Variants in TMEM132D observed in about 807,000 individuals in gnomAD.
TMEM132D encodes transmembrane protein 132D.
Under a neutral mutation model 62.3 loss-of-function variants are expected in TMEM132D, and 21 were observed. The observed-to-expected ratio is 0.34, with a 90% CI of 0.24 to 0.49. The LOEUF (loss-of-function observed/expected upper bound fraction) is 0.49, where lower values mean the gene tolerates loss of function less well. Ranked by LOEUF, TMEM132D falls within the 20% of genes least tolerant of loss-of-function variation. The probability of loss-of-function intolerance (pLI) is 0.99; values close to 1 mark genes in which losing one functional copy is unlikely to be tolerated. For missense variants in TMEM132D, 1,346 were observed against 1,402.8 expected (o/e 0.96, Z 0.65); for synonymous variants, 621 against 575.6 (o/e 1.08, Z -1.13).
At chr12:129,805,497 A>G (rs1353240795) in intron 1 of TMEM132D, among the ~76,000 whole-genome samples, 2 of 152,190 alleles carry the variant, frequency 1.3e-5, no homozygotes, top group Non-Finnish European at 2.9e-5. Flanking sequence ...ATATGTAGAA[A>G]GCTGAAACTG....
chr12:129,388,889 T>C (rs372938971), intron 3 of TMEM132D, among the ~76,000 whole-genome samples: 2,848 of 49,964 alleles, frequency 0.057, 118 homozygotes, highest in African/African-American at 0.12. Flanking sequence ...AACACTAACA[T>C]GAATCCTAAT....
chr12:129,654,669 A>T (rs1324763853), intron 2 of TMEM132D, among the ~76,000 whole-genome samples: 1 of 152,190 alleles, frequency 6.6e-6, no homozygotes, highest in South Asian at 2.1e-4. Flanking sequence ...GGTGGCAATC[A>T]TTTGGACCCT....
At chr12:129,738,867 C>T (rs571606340) in intron 1 of TMEM132D, among the ~76,000 whole-genome samples, 1 of 152,232 alleles carries the variant, frequency 6.6e-6, no homozygotes, top group South Asian at 2.1e-4. Flanking sequence ...ACAAACAATA[C>T]GTGTCTTCTA....
chr12:129,101,273 C>G (rs536576075), intron 5 of TMEM132D, among the ~76,000 whole-genome samples: 1 of 152,192 alleles, frequency 6.6e-6, no homozygotes, highest in Non-Finnish European at 1.5e-5. Context: ...TTCTTTGCCT[C>G]GAGCATTTGT....
At chr12:129,481,695 C>A (rs73151099) in intron 3 of TMEM132D, among the ~76,000 whole-genome samples, 1 of 152,152 alleles carries the variant, frequency 6.6e-6, no homozygotes, top group Non-Finnish European at 1.5e-5. Context: ...GAAATGAGCT[C>A]TCTTATACAT....
intron 4 of TMEM132D, among the ~76,000 whole-genome samples, chr12:129,236,626 C>T (rs748005447): frequency 2.0e-5 from 3 of 150,230 alleles, no homozygotes; most frequent in Non-Finnish European, 3.0e-5. Context: ...AGCAGTTTTT[C>T]GTGGCGTCTT....
intron 3 of TMEM132D, among the ~76,000 whole-genome samples, chr12:129,437,463 A>G (rs1160676345): frequency 6.6e-6 from 1 of 152,216 alleles, no homozygotes; most frequent in Non-Finnish European, 1.5e-5. Flanking sequence ...GTATGAATGA[A>G]CGGGCATGGC....
At chr12:129,844,561 G>GA (rs1334562125) in intron 1 of TMEM132D, among the ~76,000 whole-genome samples, 1 of 152,200 alleles carries the variant, frequency 6.6e-6, no homozygotes, top group African/African-American at 2.4e-5. Flanking sequence ...GGGTTTAAAA[G>GA]AAAATCTTGC....
chr12:129,258,875 C>T (rs11611661), intron 4 of TMEM132D, among the ~76,000 whole-genome samples: 14,937 of 152,076 alleles, frequency 0.098, 913 homozygotes, highest in Admixed American at 0.18. Flanking sequence ...AAAAGGTGGG[C>T]GATGTGTGCC....
intron 3 of TMEM132D, among the ~76,000 whole-genome samples, chr12:129,416,332 T>C (rs374288994): frequency 7.0e-4 from 106 of 152,256 alleles, no homozygotes; most frequent in African/African-American, 2.5e-3. Context: ...TGAATGGGAG[T>C]TCACTCATGA....
At chr12:129,892,463 G>A (rs552925653) in intron 1 of TMEM132D, among the ~76,000 whole-genome samples, 1 of 152,234 alleles carries the variant, frequency 6.6e-6, no homozygotes, top group African/African-American at 2.4e-5. Flanking sequence ...CTTGATCTGA[G>A]TGAACAGATG....
rs140601666 is a variant in TMEM132D, at chr12:129,771,585, G to T, written c.80-70887C>A. Among the ~76,000 whole-genome samples, 1,179 of 152,290 alleles carry T rather than the reference G, an allele frequency of 7.7e-3. 17 individuals carry two copies. Among genetic ancestry groups the T allele is most frequent in the African/African-American group, 0.027 (1,132 of 41,562 alleles). On this transcript the variant is annotated intron_variant, in intron 1 of 8. Coordinates refer to ENST00000422113, the MANE Select transcript of TMEM132D (RefSeq NM_133448.3). ...CTTTGGAGTAATTTTGAGAGTTCAT[G>T]TTTGCTAAAGGCACCTTGTTCCTTA... is the stretch of plus-strand genomic sequence containing the variant.
In TMEM132D at chr12:129,371,404, TGATGATGATGATGGTGATAATGGA is replaced by T. The variant is rs1870596321; in HGVS notation, c.1116-33611_1116-33588del. On this transcript the variant is annotated intron_variant, in intron 3 of 8. Coordinates refer to ENST00000422113, the MANE Select transcript of TMEM132D (RefSeq NM_133448.3). The surrounding 1 kb of genome is among the most constrained non-coding windows in gnomAD (Gnocchi z 4.3). ...TGATGAATGATGATGGTGGTGATTA[TGATGATGATGATGGTGATAATGGA>T]GATGATGATGATGTGATATTGATGA... 6.6e-6 allele frequency among the ~76,000 whole-genome samples: 1 copy of T among 151,482 alleles called. No individual in the cohort carries two copies. Among genetic ancestry groups the T allele is most frequent in the Non-Finnish European group, 1.5e-5 (1 of 67,880 alleles).
At chr12:129,243,571 T>G (rs1879990651) in intron 4 of TMEM132D, among the ~76,000 whole-genome samples, 2 of 152,210 alleles carry the variant, frequency 1.3e-5, no homozygotes, top group African/African-American at 4.8e-5. Context: ...ATATATTTTT[T>G]GCAAACCAGA....
intron 5 of TMEM132D, among the ~76,000 whole-genome samples, chr12:129,189,332 G>A (rs1202906770): frequency 6.6e-6 from 1 of 152,168 alleles, no homozygotes; most frequent in African/African-American, 2.4e-5. Flanking sequence ...AATGGAGAGG[G>A]CAAAATGACA....
intron 3 of TMEM132D, among the ~76,000 whole-genome samples, chr12:129,406,954 G>A (rs1376768854): frequency 6.6e-6 from 1 of 152,160 alleles, no homozygotes; most frequent in African/African-American, 2.4e-5. Flanking sequence ...GCATATTAAT[G>A]ACAGATTTAT....
chr12:129,729,449 A>G (rs188909159), intron 1 of TMEM132D, among the ~76,000 whole-genome samples: 92 of 152,320 alleles, frequency 6.0e-4, no homozygotes, highest in African/African-American at 2.1e-3. Flanking sequence ...AGTCATGACA[A>G]TCAAAATGTC....
chr12:129,312,789 C>CAACTAGAATGTATAG (rs2135636660), intron 4 of TMEM132D, among the ~76,000 whole-genome samples: 1 of 152,250 alleles, frequency 6.6e-6, no homozygotes, highest in Admixed American at 6.5e-5. Context: ...CCTCCATCCC[C>CAACTAGAATGTATAG]AAAGGACATA....
At chr12:129,255,245 A>G (rs1255026254) in intron 4 of TMEM132D, among the ~76,000 whole-genome samples, 1 of 152,188 alleles carries the variant, frequency 6.6e-6, no homozygotes, top group Non-Finnish European at 1.5e-5. Flanking sequence ...TCTTTTCTTT[A>G]TAATTATGCA....
Sources: allele counts gnomAD v4.1 joint callset (sites outside exome capture counted in the v4.1 genomes callset), GRCh38; gene constraint gnomAD v4.1.1; non-coding constraint Gnocchi (gnomAD v3.1); transcripts MANE v1.5; gene names NCBI Gene and HGNC (gene_info 2026-07-23, HGNC 2026-07-21).